Variants in SCN7A observed in about 807,000 individuals in gnomAD.
SCN7A encodes sodium channel protein type 7 subunit alpha.
In SCN7A, 138 loss-of-function variants were observed where a neutral mutation model predicts 155.2. The observed-to-expected ratio is 0.89, with a 90% CI of 0.77 to 1.02. SCN7A has a LOEUF of 1.02. SCN7A is among the 50% of genes least tolerant of loss of function. SCN7A has a pLI of 0.00. For synonymous variants in SCN7A, 693 were observed against 649.0 expected, an observed-to-expected ratio of 1.07 and a Z score of -1.03; for missense variants, 2,058 against 1,986.6, an observed-to-expected ratio of 1.04 and a Z score of -0.68.
At chr2:166,477,013 A>T (rs1478809989) in intron 3 of SCN7A, among the ~76,000 whole-genome samples, 16 of 152,064 alleles carry the variant, frequency 1.1e-4, no homozygotes, top group Non-Finnish European at 2.1e-4. Context: ...ATAAGGAGTA[A>T]GTGTATGTAT....
chr2:166,472,552 G>A, intron 5 of SCN7A, 107 bp from the exon 6 acceptor site: 1 of 941,312 alleles, frequency 1.1e-6, no homozygotes, highest in Non-Finnish European at 1.6e-6. Context: ...AAGTCATCAG[G>A]AAGGTGAGAC....
chr2:166,459,380 T>C (rs1702352862), intron 10 of SCN7A, among the ~76,000 whole-genome samples: 1 of 152,126 alleles, frequency 6.6e-6, no homozygotes, highest in African/African-American at 2.4e-5. Flanking sequence ...AATGAAACAT[T>C]ATACACAAAG....
At chr2:166,413,892 C>T (rs1474260516) in intron 21 of SCN7A, among the ~76,000 whole-genome samples, 2 of 143,638 alleles carry the variant, frequency 1.4e-5, no homozygotes, top group East Asian at 2.0e-4. Flanking sequence ...GCTCCTCAAG[C>T]TTGCATACAG....
intron 17 of SCN7A, among the ~76,000 whole-genome samples, chr2:166,428,661 C>CT (rs1399705733): frequency 6.6e-6 from 1 of 151,896 alleles, no homozygotes; most frequent in Non-Finnish European, 1.5e-5. Context: ...GGAATTTTGT[C>CT]TTGTGTTAAA....
At position 166,443,647 on chromosome 2, in the gene SCN7A, C is replaced by A. The variant is rs1375068867; in HGVS notation, c.1656G>T (p.Met552Ile). 2 of 1,549,946 alleles carry A rather than the reference C, an allele frequency of 1.3e-6. No individual in the cohort carries two copies. Among genetic ancestry groups the A allele is most frequent in the East Asian group, 2.4e-5 (1 of 41,754 alleles). Residue 552 changes from methionine to isoleucine, a missense_variant, in exon 14 of 26, where the codon ATG (methionine) becomes ATT (isoleucine). Transcript: ENST00000643258. ...LVFIGIFTAE[M>I]IFKIIAMHPY... ...GATGCATTGCAATTATTTTAAAAAT[C>A]ATTTCTGCTGTGAAAATTCCAATGA...
At chr2:166,457,897 A>T (rs1352010658) in intron 10 of SCN7A, among the ~76,000 whole-genome samples, 2 of 152,234 alleles carry the variant, frequency 1.3e-5, no homozygotes, top group Non-Finnish European at 2.9e-5. Flanking sequence ...TTAATAGAAA[A>T]GTATTATCTA....
rs1391532147 is a variant in SCN7A at position 166,494,015 on chromosome 2, GAGC to G, written c.-178_-176del. The G allele has an allele frequency of 6.6e-6, 1 of 152,318 alleles. No homozygotes were observed. Among genetic ancestry groups the G allele is most frequent in the Admixed American group, 6.5e-5 (1 of 15,282 alleles). The allele number at this position is 152,318 out of a possible 1,614,324, so 9.4% of individuals were successfully genotyped here. On this transcript the variant is annotated 5_prime_UTR_variant, in exon 1 of 26. Coordinates refer to ENST00000643258, the MANE Select transcript of SCN7A (RefSeq NM_002976.4). ...CACCAGTGCCTGAGGGACCCTTCAG[GAGC>G]AGGGCTCCTTGGAGCCCTTTCCTCC...
Position 166,465,797 on chromosome 2 carries a change from G to A in SCN7A, c.855C>T (p.Asn285=), listed in dbSNP as rs1288064090. ...GATTCTTACCTCGAATATAATATGG[G>A]TTTCCAGTTCTGTTGTGCAGGGTTT... The part of the protein sequence containing the change: ...ENETLHNRTG[N]PYYIRETENF... The change falls in exon 8 of 26, where the codon AAC becomes AAT. Residue 285 remains asparagine, a synonymous_variant. Transcript: ENST00000643258. The A allele has an allele frequency of 5.6e-6, 9 of 1,613,634 alleles. No homozygotes were observed. The highest frequency in any genetic ancestry group is 5.5e-5 in the South Asian group (5 of 91,068).
intron 3 of SCN7A, among the ~76,000 whole-genome samples, chr2:166,477,159 C>A (rs550148902): frequency 6.6e-6 from 1 of 151,940 alleles, no homozygotes; most frequent in African/African-American, 2.4e-5. Flanking sequence ...AAATTGATAA[C>A]CACAAATGGA....
intron 12 of SCN7A, among the ~76,000 whole-genome samples, 161 bp from the exon 13 acceptor site, chr2:166,445,161 C>T (rs1462896352): frequency 6.6e-6 from 1 of 151,892 alleles, no homozygotes; most frequent in Admixed American, 6.6e-5. Context: ...ACAAAAAATA[C>T]AAAAAATAGT....
chr2:166,404,573 T>C lies in SCN7A; in HGVS notation c.*1007A>G, dbSNP rs1701024935. ...ACATACAGTAAAAAGTACTTTAAAG[T>C]TGCCACAACTTTCCAATTAAGGGCC... On this transcript the variant is annotated 3_prime_UTR_variant, in exon 26 of 26. Coordinates refer to ENST00000643258, the MANE Select transcript of SCN7A (RefSeq NM_002976.4). The C allele has an allele frequency of 6.6e-6, 1 of 151,822 alleles. No homozygotes were observed. The highest frequency in any genetic ancestry group is 6.6e-5 in the Admixed American group (1 of 15,190). 9.4% of individuals were successfully genotyped at this position (151,822 alleles called of 1,614,324 possible).
intron 11 of SCN7A, among the ~76,000 whole-genome samples, chr2:166,455,032 A>G (rs1354564684): frequency 6.6e-6 from 1 of 152,194 alleles, no homozygotes; most frequent in Non-Finnish European, 1.5e-5. Context: ...TTTCAGGAAT[A>G]AAATAATTCC....
At chr2:166,481,869 A>T (rs900261562) in intron 2 of SCN7A, among the ~76,000 whole-genome samples, 1 of 152,186 alleles carries the variant, frequency 6.6e-6, no homozygotes, top group African/African-American at 2.4e-5. Context: ...ATGTTGTTCA[A>T]AAAGGATGAA....
chr2:166,462,301 T>TA (rs1702431198), intron 10 of SCN7A, 88 bp downstream of exon 10: 1 of 1,364,924 alleles, frequency 7.3e-7, no homozygotes. Flanking sequence ...CATAAAAATT[T>TA]AAAAAACTAT....
chr2:166,491,552 C>T (rs892413786), intron 1 of SCN7A, among the ~76,000 whole-genome samples: 1 of 152,088 alleles, frequency 6.6e-6, no homozygotes, highest in East Asian at 1.9e-4. Context: ...CCTCTGAAGC[C>T]CTCAGATGAA....
chr2:166,439,882 G>A (rs1219278814), intron 15 of SCN7A, among the ~76,000 whole-genome samples: 1 of 152,096 alleles, frequency 6.6e-6, no homozygotes, highest in Non-Finnish European at 1.5e-5. Context: ...TTCTCAAGGT[G>A]AAACACAAGC....
At chr2:166,445,044 AGTG>A in intron 12 of SCN7A, 44 bp from the exon 13 acceptor site, 2 of 1,247,926 alleles carry the variant, frequency 1.6e-6, no homozygotes, top group Non-Finnish European at 2.3e-6. Flanking sequence ...GGCCGGGTGC[AGTG>A]GCTCATGCCT....
chr2:166,465,099 T>G (rs1240025892), intron 9 of SCN7A, among the ~76,000 whole-genome samples: 1 of 152,116 alleles, frequency 6.6e-6, no homozygotes, highest in African/African-American at 2.4e-5. Flanking sequence ...GTGATCGATA[T>G]CCTCAGAGAA....
Position 166,423,417 on chromosome 2 carries a change from A to G in SCN7A, c.2869T>C (p.Tyr957His), listed in dbSNP as rs1379444899. Residue 957 changes from tyrosine (Y) to histidine (H), a missense_variant, in exon 19 of 26, where the codon TAT becomes CAT. Coordinates refer to ENST00000643258, the MANE Select transcript of SCN7A (RefSeq NM_002976.4). ...TTAATTGTCTTTCTCTGATCCATAT[A>G]TATATCTTCAAAAGCCTGTGGGTAA... is the stretch of plus-strand genomic sequence containing the variant. ...STGTLAFEDI[Y>H]MDQRKTIKIL... The G allele has an allele frequency of 6.4e-6, 10 of 1,558,312 alleles. No individual in the cohort carries two copies. Among genetic ancestry groups the G allele is most frequent in the Admixed American group, 2.1e-5 (1 of 46,764 alleles).
Sources: gnomAD v4.1 joint callset for allele counts (sites outside exome capture counted in the v4.1 genomes callset) on GRCh38, gnomAD v4.1.1 for gene constraint, MANE v1.5 for transcripts, NCBI Gene and HGNC (gene_info 2026-07-23, HGNC 2026-07-21) for gene names.